Variants in FHIT observed in about 807,000 individuals in gnomAD.
FHIT encodes the protein fragile histidine triad diadenosine triphosphatase.
Under a neutral mutation model 17.9 loss-of-function variants are expected in FHIT, and 19 were observed. The observed-to-expected ratio is 1.06, with a 90% CI of 0.74 to 1.56. The LOEUF is 1.56. FHIT is among the 40% of genes most tolerant of loss of function. The pLI is 0.00. For synonymous variants in FHIT, 81 were observed against 69.7 expected, an observed-to-expected ratio of 1.16 and a Z score of -0.81; for missense variants, 248 against 189.2, an observed-to-expected ratio of 1.31 and a Z score of -1.82.
At chr3:59,852,724 T>C (rs1387134372) in intron 8 of FHIT, among the ~76,000 whole-genome samples, 4 of 152,218 alleles carry the variant, frequency 2.6e-5, no homozygotes, top group Non-Finnish European at 4.4e-5. Flanking sequence ...ATCTTTTTAT[T>C]ATCTCCATAA....
chr3:60,010,115 T>G (rs1361099623), intron 7 of FHIT, among the ~76,000 whole-genome samples: 6 of 152,210 alleles, frequency 3.9e-5, no homozygotes, highest in Non-Finnish European at 8.8e-5. Flanking sequence ...GAATTTACAT[T>G]TGAATACTGA....
chr3:59,752,991 C>T (rs769791529), intron 8 of FHIT, among the ~76,000 whole-genome samples: 6 of 152,086 alleles, frequency 3.9e-5, no homozygotes, highest in Non-Finnish European at 5.9e-5. Context: ...CCCAGAATCT[C>T]CCCCACACTC....
intron 1 of FHIT, among the ~76,000 whole-genome samples, chr3:61,223,919 T>C (rs2039902268): frequency 6.6e-6 from 1 of 152,026 alleles, no homozygotes; most frequent in South Asian, 2.1e-4. Flanking sequence ...AAGAACCATA[T>C]AAATTTGCTG....
At chr3:60,008,165 C>G (rs916921418) in intron 7 of FHIT, among the ~76,000 whole-genome samples, 2 of 151,938 alleles carry the variant, frequency 1.3e-5, no homozygotes, top group Non-Finnish European at 1.5e-5. Context: ...AATCATGCAC[C>G]AGGACAGAGA....
intron 3 of FHIT, among the ~76,000 whole-genome samples, chr3:60,823,499 C>T (rs1839071): frequency 2.0e-5 from 3 of 151,950 alleles, no homozygotes; most frequent in East Asian, 1.9e-4. Flanking sequence ...CAGAGACACA[C>T]GGGAGAAGGA....
chr3:60,400,427 T>G (rs2107187185), intron 5 of FHIT, among the ~76,000 whole-genome samples: 1 of 152,148 alleles, frequency 6.6e-6, no homozygotes, highest in Admixed American at 6.5e-5. Context: ...TGGAAATGGA[T>G]TCCTGCTTTG....
chr3:60,358,468 A>C (rs914813596), intron 5 of FHIT, among the ~76,000 whole-genome samples: 3 of 152,222 alleles, frequency 2.0e-5, no homozygotes, highest in African/African-American at 7.2e-5. Context: ...AATTTGGCAC[A>C]AAGATCTCAG....
At chr3:61,096,170 C>T (rs1242939779) in intron 2 of FHIT, among the ~76,000 whole-genome samples, 1 of 152,120 alleles carries the variant, frequency 6.6e-6, no homozygotes, top group East Asian at 1.9e-4. Flanking sequence ...AAAGAAACAC[C>T]CTAAATGATG....
Position 60,638,725 on chromosome 3 carries a change from A to G in FHIT, c.-17-101746T>C, listed in dbSNP as rs182242298. 4.4e-3 allele frequency among the ~76,000 whole-genome samples: 665 copies of G among 152,196 alleles called. 4 individuals carry two copies. Among genetic ancestry groups the G allele is most frequent in the African/African-American group, 0.016 (646 of 41,522 alleles). ...TCATAGGGAGATATATTAACATCCT[A>G]TGATATATAACCAAATATTTACCAG... On this transcript the variant is annotated intron_variant, in intron 4 of 9. Transcript: ENST00000492590.
chr3:59,888,295 T>C (rs547317193), intron 8 of FHIT, among the ~76,000 whole-genome samples: 2 of 152,346 alleles, frequency 1.3e-5, no homozygotes, highest in African/African-American at 2.4e-5. Flanking sequence ...GCATAGCTTA[T>C]ATAGAGAACC....
intron 5 of FHIT, among the ~76,000 whole-genome samples, chr3:60,459,572 A>G (rs1269510576): frequency 6.6e-6 from 1 of 152,220 alleles, no homozygotes; most frequent in East Asian, 1.9e-4. Flanking sequence ...ATAAGCTGCC[A>G]AAAAGCATGG....
At chr3:61,043,098 T>G (rs910001257) in intron 2 of FHIT, among the ~76,000 whole-genome samples, 2 of 152,118 alleles carry the variant, frequency 1.3e-5, no homozygotes, top group Non-Finnish European at 2.9e-5. Flanking sequence ...TTCATCTCAC[T>G]GGGGCTTGTT....
At chr3:60,451,630 A>G (rs989169884) in intron 5 of FHIT, among the ~76,000 whole-genome samples, 13 of 152,208 alleles carry the variant, frequency 8.5e-5, no homozygotes, top group African/African-American at 2.4e-4. Flanking sequence ...CAATCCCAAG[A>G]AAGAATATAA....
intron 5 of FHIT, among the ~76,000 whole-genome samples, chr3:60,370,478 G>A (rs1356616448): frequency 6.6e-6 from 1 of 152,082 alleles, no homozygotes; most frequent in Non-Finnish European, 1.5e-5. Context: ...CTCCTCAAGA[G>A]TTTAAATATT....
intron 4 of FHIT, among the ~76,000 whole-genome samples, chr3:60,652,785 C>CT (rs2040024059): frequency 1.3e-5 from 2 of 150,540 alleles, no homozygotes; most frequent in Non-Finnish European, 2.9e-5. Flanking sequence ...TGGCAGGTGC[C>CT]TGTAATCCTA....
At chr3:60,054,038 AG>A (rs2106893955) in intron 5 of FHIT, among the ~76,000 whole-genome samples, 1 of 152,332 alleles carries the variant, frequency 6.6e-6, no homozygotes, top group South Asian at 2.1e-4. Flanking sequence ...ATATTTATTG[AG>A]AGGAGAACAA....
At chr3:60,673,577 G>C (rs2040557298) in intron 4 of FHIT, among the ~76,000 whole-genome samples, 1 of 151,934 alleles carries the variant, frequency 6.6e-6, no homozygotes, top group Non-Finnish European at 1.5e-5. Context: ...ATGCATGTGT[G>C]GCTTAATACC....
intron 4 of FHIT, among the ~76,000 whole-genome samples, chr3:60,767,597 A>C (rs1456056609): frequency 6.6e-6 from 1 of 152,224 alleles, no homozygotes; most frequent in African/African-American, 2.4e-5. Flanking sequence ...AACTGATTTA[A>C]AATGTCCATT....
At chr3:59,769,887 C>A (rs1395370706) in intron 8 of FHIT, among the ~76,000 whole-genome samples, 3 of 152,150 alleles carry the variant, frequency 2.0e-5, no homozygotes, top group East Asian at 3.8e-4. Context: ...TTTACACACA[C>A]AAATCTGTTT....
Sources: gnomAD v4.1 joint callset for allele counts (sites outside exome capture counted in the v4.1 genomes callset) on GRCh38, gnomAD v4.1.1 for gene constraint, MANE v1.5 for transcripts, NCBI Gene and HGNC (gene_info 2026-07-23, HGNC 2026-07-21) for gene names.